PTS: variants seen among roughly 807,000 people sequenced by gnomAD.
PTS encodes the protein 6-pyruvoyl tetrahydrobiopterin synthase.
Under a neutral mutation model 20.6 loss-of-function variants are expected in PTS, and 23 were observed. The observed-to-expected ratio is 1.12, with a 90% CI of 0.80 to 1.58. The LOEUF is 1.58. PTS is among the 40% of genes most tolerant of loss of function. The probability of loss-of-function intolerance (pLI) is 0.00; values close to 1 mark genes in which losing one functional copy is unlikely to be tolerated. For synonymous variants in PTS, 65 were observed against 62.5 expected (o/e 1.04, Z -0.19); for missense variants, 186 against 182.4 (o/e 1.02, Z -0.11).
chr11:112,226,834 C>T (rs1296375657), intron 1 of PTS, among the ~76,000 whole-genome samples: 1 of 151,744 alleles, frequency 6.6e-6, no homozygotes, highest in Non-Finnish European at 1.5e-5. Flanking sequence ...GTCTCTGCCC[C>T]TAGGAGTCCC....
chr11:112,230,818 A>G (rs1859920479), intron 4 of PTS, 136 bp downstream of exon 4: 4 of 841,178 alleles, frequency 4.8e-6, no homozygotes, highest in South Asian at 1.4e-5. Flanking sequence ...GTGTTGGGGA[A>G]TAGTTGGAAG....
At position 112,226,545 on chromosome 11, in the gene PTS, T is replaced by C; in HGVS notation, c.83+19T>C. The C allele has an allele frequency of 6.5e-7, 1 of 1,531,516 alleles. No homozygotes were observed. The highest frequency in any genetic ancestry group is 1.2e-5 in the South Asian group (1 of 81,624). The allele number at this position is 1,531,516 out of a possible 1,614,324, so 94.9% of individuals were successfully genotyped here. ...TGTACAGGTAGGGTGTGCACACAGGTACAGCGGCGGGCGGTGGGCGCCGGG... is the reference window on the plus strand; with the variant it reads ...TGTACAGGTAGGGTGTGCACACAGGCACAGCGGCGGGCGGTGGGCGCCGGG... On this transcript the variant is annotated intron_variant, in intron 1 of 5. Coordinates refer to ENST00000280362, the MANE Select transcript of PTS (RefSeq NM_000317.3).
intron 4 of PTS, 117 bp from the exon 5 acceptor site, chr11:112,233,046 T>C (rs1859961012): frequency 2.9e-6 from 3 of 1,019,534 alleles, no homozygotes; most frequent in Non-Finnish European, 3.1e-6. Context: ...ATCTAGTACT[T>C]ACAAATATTT....
chr11:112,230,268 G>A (rs769489582), intron 3 of PTS, 38 bp downstream of exon 3: 7 of 1,601,538 alleles, frequency 4.4e-6, no homozygotes, highest in Middle Eastern at 1.7e-4. Context: ...TTTGCAGATT[G>A]CTGGGCTCTC....
In PTS at chr11:112,230,204, A is replaced by G. The variant is rs780741396; in HGVS notation, c.164-4A>G. On this transcript the variant is annotated splice_polypyrimidine_tract_variant and splice_region_variant and intron_variant, in intron 2 of 5. Transcript: ENST00000280362. ...TTTTTTTGTATTTTGTTTTCTTTCC[A>G]TAGTTGTGGTGACAGTACATGGAGA... is the stretch of plus-strand genomic sequence containing the variant. 21 of 1,613,070 alleles carry G rather than the reference A, an allele frequency of 1.3e-5. No individual in the cohort carries two copies. The highest frequency in any genetic ancestry group is 1.7e-5 in the Non-Finnish European group (20 of 1,179,290).
At chr11:112,227,869 AT>A (rs34252028) in intron 1 of PTS, among the ~76,000 whole-genome samples, 93,064 of 150,938 alleles carry the variant, frequency 0.62, 30,425 homozygotes, top group East Asian at 0.8. Context: ...ATTGGGGGGA[AT>A]AATAAAGAGG....
intron 1 of PTS, 42 bp from the exon 2 acceptor site, chr11:112,228,552 G>C (rs767215079): frequency 4.5e-5 from 68 of 1,510,818 alleles, no homozygotes; most frequent in Admixed American, 5.2e-5. Flanking sequence ...GTTTGAATGT[G>C]ATACTTGTGT....
intron 2 of PTS, 51 bp downstream of exon 2, chr11:112,228,724 A>T (rs568577892): frequency 6.7e-7 from 1 of 1,493,444 alleles, no homozygotes; most frequent in South Asian, 1.1e-5. Flanking sequence ...ATGAAAGAGT[A>T]TTCAGCAAAT....
chr11:112,228,066 G>C (rs1351764595), intron 1 of PTS, among the ~76,000 whole-genome samples: 1 of 152,162 alleles, frequency 6.6e-6, no homozygotes, highest in Non-Finnish European at 1.5e-5. Context: ...CAACAGATTG[G>C]TAAAGTTCTC....
chr11:112,228,875 C>G, intron 2 of PTS: 1 of 610,060 alleles, frequency 1.6e-6, no homozygotes, highest in Non-Finnish European at 2.9e-6. Flanking sequence ...AATGTCAACT[C>G]TTACAAACAG....
At chr11:112,229,066 T>G (rs1859899809) in intron 2 of PTS, 1 of 218,338 alleles carries the variant, frequency 4.6e-6, no homozygotes, top group Non-Finnish European at 9.2e-6. Flanking sequence ...ATAGGTTTGG[T>G]CTAAAGCTTT....
chr11:112,230,751 C>T, intron 4 of PTS, 69 bp downstream of exon 4: 2 of 1,307,284 alleles, frequency 1.5e-6, no homozygotes, highest in African/African-American at 1.5e-5. Context: ...CCCTATCTAC[C>T]TCCCCAACCA....
At chr11:112,232,356 T>C (rs1859949965) in intron 4 of PTS, among the ~76,000 whole-genome samples, 1 of 152,244 alleles carries the variant, frequency 6.6e-6, no homozygotes, top group Non-Finnish European at 1.5e-5. Flanking sequence ...GTTATTCATG[T>C]GGAACATCCC....
rs1859973922 is a variant in PTS at position 112,233,590 on chromosome 11, T to C, written c.*35T>C. On this transcript the variant is annotated 3_prime_UTR_variant, in exon 6 of 6. Coordinates refer to ENST00000280362, the MANE Select transcript of PTS (RefSeq NM_000317.3). ...TTAGCATTGCACAAAGCCCAGTTTC[T>C]TTCTGTGTTTGAAAAAGATTTTGAT... 5 of 1,612,100 alleles carry C rather than the reference T, an allele frequency of 3.1e-6. No individual in the cohort carries two copies. Among genetic ancestry groups the C allele is most frequent in the Non-Finnish European group, 4.2e-6 (5 of 1,179,232 alleles).
chr11:112,230,572 C>T (rs1859917155), intron 3 of PTS, 54 bp from the exon 4 acceptor site: 2 of 1,460,668 alleles, frequency 1.4e-6, no homozygotes, highest in African/African-American at 1.4e-5. Flanking sequence ...AATTTGCCAG[C>T]CGTTTAATAT....
intron 2 of PTS, 111 bp from the exon 3 acceptor site, chr11:112,230,097 G>T: frequency 9.6e-7 from 1 of 1,043,810 alleles, no homozygotes; most frequent in Non-Finnish European, 1.5e-6. Flanking sequence ...TTTGGGGACA[G>T]ATCTAATAAT....
chr11:112,233,376 GA>G, intron 5 of PTS, 55 bp from the exon 6 acceptor site: 1 of 1,547,118 alleles, frequency 6.5e-7, no homozygotes, highest in East Asian at 2.3e-5. Flanking sequence ...TATTAAACAT[GA>G]AATTTTATTG....
intron 1 of PTS, among the ~76,000 whole-genome samples, chr11:112,226,772 TGGCCCACGTCTGGGTGCGG>T (rs1261743132): frequency 1.3e-5 from 2 of 151,850 alleles, no homozygotes; most frequent in South Asian, 2.1e-4. Flanking sequence ...CGGAGGGCGA[TGGCCCACGTCTGGGTGCGG>T]GGCCCACACC....
At chr11:112,233,073 A>G in intron 4 of PTS, 90 bp from the exon 5 acceptor site, 1 of 1,186,402 alleles carries the variant, frequency 8.4e-7, no homozygotes. Flanking sequence ...TGGCTAAGTG[A>G]TAAGGTGAGG....
Sources: gnomAD v4.1 joint callset for allele counts (sites outside exome capture counted in the v4.1 genomes callset) on GRCh38, gnomAD v4.1.1 for gene constraint, MANE v1.5 for transcripts, NCBI Gene and HGNC (gene_info 2026-07-23, HGNC 2026-07-21) for gene names.